Variants in MFHAS1 observed in about 807,000 individuals in gnomAD.
MFHAS1 encodes multifunctional ROCO family signaling regulator 1.
MFHAS1 carries 50 observed loss-of-function variants against 70.4 expected under a neutral mutation model. The ratio of observed to expected loss-of-function variants is 0.71; its 90% confidence interval spans 0.57 to 0.90. The LOEUF is 0.90. MFHAS1 is among the 40% of genes least tolerant of loss of function. MFHAS1 has a pLI of 0.00. For missense variants in MFHAS1, 1,795 were observed against 1,347.6 expected (o/e 1.33, Z -5.20); for synonymous variants, 952 against 620.0 (o/e 1.54, Z -7.96).
chr8:8,852,318 A>G (rs1166844769), intron 1 of MFHAS1, among the ~76,000 whole-genome samples: 1 of 152,140 alleles, frequency 6.6e-6, no homozygotes, highest in African/African-American at 2.4e-5. Context: ...TACTAAAAAT[A>G]CAAAAATTAG....
At chr8:8,863,080 T>A (rs1212835016) in intron 1 of MFHAS1, among the ~76,000 whole-genome samples, 2 of 152,236 alleles carry the variant, frequency 1.3e-5, no homozygotes, top group African/African-American at 4.8e-5. Flanking sequence ...TCTGATTGTT[T>A]TGGCACCACT....
rs1403165052 is a variant in MFHAS1 at position 8,891,658 on chromosome 8, G to C, written c.1401C>G (p.Ala467=). The change falls in exon 1 of 3, where the codon GCC becomes GCG. Residue 467 remains alanine (A), a synonymous_variant. Coordinates refer to ENST00000276282, the MANE Select transcript of MFHAS1 (RefSeq NM_004225.3). The surrounding 1 kb of genome is among the most constrained non-coding windows in gnomAD (Gnocchi z 5.4). ...GIEVTSWTAD[A]SRGLRFIVYD... is the part of the protein sequence containing the mutation. ...ACACGATGAACCGCAGGCCCCGGGA[G>C]GCATCGGCCGTCCAGCTGGTCACCT... 6.2e-7 allele frequency: 1 copy of C among 1,613,630 alleles called. No homozygotes were observed. Among genetic ancestry groups the C allele is most frequent in the Non-Finnish European group, 8.5e-7 (1 of 1,180,036 alleles).
intron 1 of MFHAS1, among the ~76,000 whole-genome samples, chr8:8,835,631 T>G (rs1397879447): frequency 2.0e-5 from 3 of 152,244 alleles, no homozygotes; most frequent in African/African-American, 7.2e-5. Context: ...TATTAATATT[T>G]ATAAAGCTTT....
chr8:8,801,341 C>A (rs1806078168), intron 1 of MFHAS1, among the ~76,000 whole-genome samples: 1 of 152,218 alleles, frequency 6.6e-6, no homozygotes, highest in South Asian at 2.1e-4. Flanking sequence ...GGTCTTATCT[C>A]TAGCAGGACT....
chr8:8,844,544 G>A (rs573779853), intron 1 of MFHAS1, among the ~76,000 whole-genome samples: 17 of 152,240 alleles, frequency 1.1e-4, no homozygotes, highest in East Asian at 3.9e-4. Flanking sequence ...CACAACTGGC[G>A]TGCTCTAATT....
intron 2 of MFHAS1, 151 bp from the exon 3 acceptor site, chr8:8,786,206 C>G (rs1424058643): frequency 1.4e-6 from 1 of 724,778 alleles, no homozygotes; most frequent in African/African-American, 1.8e-5. Flanking sequence ...ATGTAAATGT[C>G]AGGCAACTTA....
At chr8:8,861,138 T>A (rs149024119) in intron 1 of MFHAS1, among the ~76,000 whole-genome samples, 417 of 152,320 alleles carry the variant, frequency 2.7e-3, no homozygotes, top group African/African-American at 9.6e-3. Context: ...TGAAAAGTGG[T>A]AGACATATAT....
rs776357792 is a variant in MFHAS1, at chr8:8,891,965, G to C, written c.1094C>G (p.Ser365Cys). ...TTTGATCTTCCACAAACCCACCCGG[G>C]AGAGCTGGCCAAAGTGGTCGGGCAG... is the stretch of plus-strand genomic sequence containing the variant. ...AVLPDHFGQL[S>C]RVGLWKIKDN... The change falls in exon 1 of 3, where the codon TCC becomes TGC. Residue 365 changes from serine to cysteine, a missense_variant. Ser to Cys is a moderately radical substitution (Grantham distance 112). Coordinates refer to ENST00000276282, the MANE Select transcript of MFHAS1 (RefSeq NM_004225.3). This position sits in a 1 kb window ranked among gnomAD's most constrained non-coding sequence, Gnocchi z 5.4. The C allele has an allele frequency of 1.2e-6, 2 of 1,612,458 alleles. No individual in the cohort carries two copies. Among genetic ancestry groups the C allele is most frequent in the Admixed American group, 1.7e-5 (1 of 59,926 alleles).
chr8:8,789,051 G>A (rs1041672722), intron 2 of MFHAS1, among the ~76,000 whole-genome samples: 1 of 152,134 alleles, frequency 6.6e-6, no homozygotes, highest in African/African-American at 2.4e-5. Flanking sequence ...ATTATTGTCG[G>A]TTTGAAGGAC....
At chr8:8,877,599 C>T (rs1809346507) in intron 1 of MFHAS1, among the ~76,000 whole-genome samples, 1 of 152,204 alleles carries the variant, frequency 6.6e-6, no homozygotes, top group South Asian at 2.1e-4. Flanking sequence ...TCTTCTCCCT[C>T]TACTCCGACA....
intron 1 of MFHAS1, chr8:8,859,896 T>G (rs1808598418): frequency 6.6e-6 from 1 of 152,178 alleles, no homozygotes; most frequent in South Asian, 2.1e-4. Flanking sequence ...ACTGTATTTT[T>G]TACTAATTTT....
At chr8:8,832,644 T>TC (rs1807447777) in intron 1 of MFHAS1, among the ~76,000 whole-genome samples, 1 of 149,376 alleles carries the variant, frequency 6.7e-6, no homozygotes, top group African/African-American at 2.5e-5. Context: ...TTTTTTTTTT[T>TC]TCAAGACAGA....
intron 1 of MFHAS1, among the ~76,000 whole-genome samples, chr8:8,850,400 C>T (rs187743340): frequency 6.6e-6 from 1 of 152,156 alleles, no homozygotes; most frequent in African/African-American, 2.4e-5. Flanking sequence ...GACTGTGGTG[C>T]TAATATTTTC....
At position 8,892,969 on chromosome 8, in the gene MFHAS1, G is replaced by A. The variant is rs1403003094; in HGVS notation, c.90C>T (p.Arg30=). 25 of 1,543,592 alleles carry A rather than the reference G, an allele frequency of 1.6e-5. No individual in the cohort carries two copies. The highest frequency in any genetic ancestry group is 2.1e-5 in the Non-Finnish European group (24 of 1,146,772). ...CCCCGGCGGCGGTAAGCGTGAGCTG[G>A]CGCAGGTTGCTCCGCAGCTTCCTGG... The part of the protein sequence containing the change: ...LRARKLRSNL[R]QLTLTAAGAC... The change falls in exon 1 of 3, where the codon CGC becomes CGT. Residue 30 remains arginine, a synonymous_variant. Transcript: ENST00000276282. The surrounding 1 kb of genome is among the most constrained non-coding windows in gnomAD (Gnocchi z 4.7).
intron 1 of MFHAS1, among the ~76,000 whole-genome samples, chr8:8,815,962 A>C (rs371453780): frequency 7.9e-5 from 12 of 152,384 alleles, no homozygotes; most frequent in South Asian, 6.2e-4. Flanking sequence ...ACAATAGACT[A>C]CTATCTAGGA....
At chr8:8,888,511 AAAC>A (rs1809856776) in intron 1 of MFHAS1, among the ~76,000 whole-genome samples, 1 of 149,146 alleles carries the variant, frequency 6.7e-6, no homozygotes, top group Non-Finnish European at 1.5e-5. Flanking sequence ...AAAAAACAAA[AAAC>A]AAAACACACA....
rs908945966 is a variant in MFHAS1, at chr8:8,893,528, C to G, written c.-470G>C. ...CGGGCGCAGGGCTGGGGCGCAGCCG[C>G]GGGGAGGGGGCGGCGGCGCCTCCTT... On this transcript the variant is annotated 5_prime_UTR_variant, in exon 1 of 3. Coordinates refer to ENST00000276282, the MANE Select transcript of MFHAS1 (RefSeq NM_004225.3). The G allele has an allele frequency of 6.8e-6, 1 of 146,366 alleles. No homozygotes were observed. Among genetic ancestry groups the G allele is most frequent in the Non-Finnish European group, 1.5e-5 (1 of 65,778 alleles). The allele number at this position is 146,366 out of a possible 1,614,324, so 9.1% of individuals were successfully genotyped here.
chr8:8,801,363 A>C (rs185666071), intron 1 of MFHAS1, among the ~76,000 whole-genome samples: 1 of 151,298 alleles, frequency 6.6e-6, no homozygotes, highest in Admixed American at 6.6e-5. Context: ...CCATCCATGG[A>C]AACAGAGCAC....
chr8:8,835,754 G>A (rs564548371), intron 1 of MFHAS1, among the ~76,000 whole-genome samples: 88 of 152,186 alleles, frequency 5.8e-4, no homozygotes, highest in Admixed American at 1.8e-3. Flanking sequence ...ACGTAGAAGA[G>A]TCAATATTCA....
Sources: gnomAD v4.1 joint callset for allele counts (sites outside exome capture counted in the v4.1 genomes callset) on GRCh38, gnomAD v4.1.1 for gene constraint, Gnocchi (gnomAD v3.1) non-coding constraint, MANE v1.5 for transcripts, NCBI Gene and HGNC (gene_info 2026-07-23, HGNC 2026-07-21) for gene names.